The following PABIR3 variants were observed in gnomAD, a reference collection of about 807,000 sequenced individuals.
PABIR3 encodes the protein PABIR family member 3, also known as PABIR family member 1.
PABIR3 carries 20 observed loss-of-function variants against 23.1 expected under a neutral mutation model. The observed-to-expected ratio is 0.86, with a 90% CI of 0.61 to 1.26. The LOEUF (loss-of-function observed/expected upper bound fraction) is 1.26. Ranked by LOEUF, PABIR3 falls within the 50% of genes most tolerant of loss-of-function variation. The pLI is 0.00. For missense variants in PABIR3, 189 were observed against 195.4 expected (o/e 0.97, Z 0.20); for synonymous variants, 69 against 68.5 (o/e 1.01, Z -0.04).
At chrX:134,862,142 G>GTTTTTTTTTTTTTTTTTTTTTTTTT in the PABIR3 span, among the ~76,000 whole-genome samples, 1 of 47,909 alleles carries the variant, frequency 2.1e-5, no homozygotes, top group Non-Finnish European at 3.6e-5. Flanking sequence ...TTTATTGGCT[G>GTTTTTTTTTTTTTTTTTTTTTTTTT]TTTTTTTTTT....
intron 3 of PABIR3, among the ~76,000 whole-genome samples, chrX:134,820,847 C>T (rs932473565): frequency 7.4e-5 from 8 of 107,710 alleles, no homozygotes; most frequent in African/African-American, 2.4e-4. Context: ...ATAGTGAAAC[C>T]CCGTCTCTAC....
chrX:134,853,500 G>T (rs2082705558), intron 10 of PABIR3, among the ~76,000 whole-genome samples: 1 of 111,896 alleles, frequency 8.9e-6, no homozygotes, highest in African/African-American at 3.2e-5. Flanking sequence ...GTCATCTTCT[G>T]CCCATCTTCC....
intron 2 of PABIR3, chrX:134,811,209 C>G: frequency 1.4e-6 from 1 of 705,376 alleles, no homozygotes; most frequent in Non-Finnish European, 1.7e-6. Flanking sequence ...GTTCTTTATA[C>G]TCTTTATCTC....
rs761215113 is a variant in PABIR3 at position 134,814,865 on chromosome X, T to C, written c.189+16T>C. 1 of 1,136,178 alleles carries C rather than the reference T, an allele frequency of 8.8e-7. No individual in the cohort carries two copies. Among genetic ancestry groups the C allele is most frequent in the South Asian group, 1.9e-5 (1 of 51,517 alleles). 93.6% of individuals were successfully genotyped at this position (1,136,178 alleles called of 1,213,427 possible). A position where few individuals can be genotyped will look rare whatever the true frequency, so the allele number is the denominator to read the frequency against. ...ACGCTCTCTGGTAAGGAAATGCTTA[T>C]AGTGGCCTCCCTGTCTAAGACTTGT... On this transcript the variant is annotated intron_variant, in intron 3 of 10. Transcript: ENST00000645433.
chrX:134,843,190 C>T (rs944117804), intron 4 of PABIR3, among the ~76,000 whole-genome samples: 2 of 110,000 alleles, frequency 1.8e-5, no homozygotes, highest in Non-Finnish European at 3.8e-5. Context: ...CAGAGTGACA[C>T]GCCATCTCAG....
chrX:134,828,045 C>CTATT (rs1487383716), intron 3 of PABIR3, among the ~76,000 whole-genome samples: 4 of 59,262 alleles, frequency 6.7e-5, no homozygotes, highest in Non-Finnish European at 6.1e-5. Flanking sequence ...CTCTCTCTCT[C>CTATT]TCTATATATA....
At chrX:134,811,332 C>A (rs2080649086) in intron 2 of PABIR3, 1 of 151,984 alleles carries the variant, frequency 6.6e-6, no homozygotes, top group Admixed American at 9.7e-5. Context: ...TCTTGTATTC[C>A]TGCCAGTGCC....
chrX:134,816,796 G>T (rs2081003622), intron 3 of PABIR3, among the ~76,000 whole-genome samples: 1 of 112,352 alleles, frequency 8.9e-6, no homozygotes, highest in African/African-American at 3.2e-5. Flanking sequence ...ATGTATTATA[G>T]ATTTCTCTTA....
chrX:134,820,322 C>G (rs1342984889), intron 3 of PABIR3, among the ~76,000 whole-genome samples: 1 of 111,592 alleles, frequency 9.0e-6, no homozygotes. Flanking sequence ...TATTATATTA[C>G]AAAATAGAAA....
At chrX:134,821,024 A>T (rs2081248185) in intron 3 of PABIR3, among the ~76,000 whole-genome samples, 1 of 104,090 alleles carries the variant, frequency 9.6e-6, no homozygotes, top group Non-Finnish European at 1.9e-5. Context: ...TCCATATGAA[A>T]AAAATATATA....
the PABIR3 span, among the ~76,000 whole-genome samples, chrX:134,860,025 C>A: frequency 1.8e-5 from 2 of 111,309 alleles, no homozygotes; most frequent in Admixed American, 1.9e-4. Context: ...AGAGTGGGGT[C>A]TTTGGAAAGG....
At chrX:134,831,213 C>T (rs1049607895) in intron 4 of PABIR3, among the ~76,000 whole-genome samples, 9 of 110,048 alleles carry the variant, frequency 8.2e-5, no homozygotes, top group African/African-American at 9.9e-5. Context: ...ATCACAGGTG[C>T]GTGCCACCAC....
intron 3 of PABIR3, 69 bp downstream of exon 3, chrX:134,814,918 A>C (rs1383264121): frequency 4.8e-6 from 4 of 827,199 alleles, no homozygotes; most frequent in African/African-American, 2.1e-5. Context: ...AATGGTCTTC[A>C]AACTTGAGCA....
At chrX:134,861,453 T>C in the PABIR3 span, among the ~76,000 whole-genome samples, 3 of 107,984 alleles carry the variant, frequency 2.8e-5, no homozygotes, top group South Asian at 1.2e-3. Context: ...TTTTATTAGG[T>C]TGGTGCAAAA....
intron 2 of PABIR3, among the ~76,000 whole-genome samples, chrX:134,813,722 G>A (rs1172212906): frequency 1.8e-5 from 2 of 111,469 alleles, no homozygotes; most frequent in African/African-American, 3.3e-5. Context: ...CTAGGAGTTT[G>A]AGGGCAGCCT....
chrX:134,861,148 G>T, the PABIR3 span, among the ~76,000 whole-genome samples: 1 of 110,667 alleles, frequency 9.0e-6, no homozygotes, highest in Admixed American at 9.6e-5. Context: ...GGTGGTGGGT[G>T]CCTGTAGTCC....
intron 4 of PABIR3, chrX:134,844,215 A>G (rs1305859116): frequency 9.0e-6 from 1 of 111,472 alleles, no homozygotes; most frequent in African/African-American, 3.3e-5. Context: ...TTCTTATGCC[A>G]GAACTACACT....
intron 4 of PABIR3, among the ~76,000 whole-genome samples, chrX:134,837,024 G>GA (rs2081995179): frequency 9.0e-6 from 1 of 110,539 alleles, no homozygotes; most frequent in African/African-American, 3.3e-5. Context: ...GGCAACATAA[G>GA]AAGACTCCGT....
chrX:134,821,894 G>T, intron 3 of PABIR3: 1 of 759,048 alleles, frequency 1.3e-6, no homozygotes, highest in Non-Finnish European at 1.6e-6. Context: ...AGTAGGAAAT[G>T]GCTTAAAAAC....
Sources: allele counts gnomAD v4.1 joint callset (sites outside exome capture counted in the v4.1 genomes callset), GRCh38; gene constraint gnomAD v4.1.1; transcripts MANE v1.5; gene names NCBI Gene and HGNC (gene_info 2026-07-23, HGNC 2026-07-21).